Variants in SEMA3A observed in about 807,000 individuals in gnomAD.
SEMA3A encodes semaphorin-3A.
Under a neutral mutation model 97.9 loss-of-function variants are expected in SEMA3A, and 29 were observed. That is an observed-to-expected ratio of 0.30 (90% CI 0.22 to 0.40). The LOEUF is 0.40. SEMA3A is among the 10% of genes least tolerant of loss of function. SEMA3A has a pLI of 1.00. For missense variants in SEMA3A, 763 were observed against 951.3 expected, an observed-to-expected ratio of 0.80 and a Z score of 2.60; for synonymous variants, 321 against 323.7, an observed-to-expected ratio of 0.99 and a Z score of 0.09.
chr7:84,214,765 T>G (rs1332021902), intron 3 of SEMA3A, among the ~76,000 whole-genome samples: 1 of 150,788 alleles, frequency 6.6e-6, no homozygotes, highest in African/African-American at 2.4e-5. Flanking sequence ...GTGGTGTGAT[T>G]TGGGCTCACT....
intron 5 of SEMA3A, among the ~76,000 whole-genome samples, chr7:84,058,945 C>A (rs1394681210): frequency 2.0e-5 from 3 of 152,092 alleles, no homozygotes; most frequent in African/African-American, 7.2e-5. Context: ...TGTCATCATT[C>A]TTTCTCAGCG....
chr7:84,174,169 G>A (rs1042505430), intron 1 of SEMA3A, among the ~76,000 whole-genome samples: 3 of 152,016 alleles, frequency 2.0e-5, no homozygotes, highest in Admixed American at 2.0e-4. Context: ...AAGGTGCACA[G>A]TAAATGTAAT....
intron 13 of SEMA3A, among the ~76,000 whole-genome samples, chr7:83,983,020 G>GA (rs1257033083): frequency 6.6e-6 from 1 of 151,686 alleles, no homozygotes; most frequent in African/African-American, 2.4e-5. Context: ...TCACTAAATG[G>GA]AAAAAATGAA....
At chr7:84,170,927 G>A (rs1175361547) in intron 1 of SEMA3A, among the ~76,000 whole-genome samples, 2 of 152,048 alleles carry the variant, frequency 1.3e-5, no homozygotes, top group African/African-American at 4.8e-5. Flanking sequence ...TAATTAAACT[G>A]GACCGTGTAA....
intron 4 of SEMA3A, among the ~76,000 whole-genome samples, chr7:84,093,827 C>T (rs551069586): frequency 9.9e-5 from 15 of 151,620 alleles, no homozygotes; most frequent in African/African-American, 2.4e-4. Flanking sequence ...GGAAAAATAG[C>T]GAAGGCATGC....
intron 2 of SEMA3A, among the ~76,000 whole-genome samples, chr7:84,132,030 C>T (rs548543695): frequency 1.4e-3 from 207 of 152,168 alleles, no homozygotes; most frequent in African/African-American, 4.7e-3. Context: ...ACAGGCTGGT[C>T]TCAAACTCCT....
chr7:84,043,144 G>A lies in SEMA3A; in HGVS notation c.667+3180C>T, dbSNP rs116051747. ...TAGAAACCCTAAATTAGGGTTTATC[G>A]TAACTAATGAAGATGTTTTAAGAAC... On this transcript the variant is annotated intron_variant, in intron 6 of 16. Coordinates refer to ENST00000265362, the MANE Select transcript of SEMA3A (RefSeq NM_006080.3). Among the ~76,000 whole-genome samples, 1,338 of 151,934 alleles carry A rather than the reference G, an allele frequency of 8.8e-3. 17 individuals are homozygous for A. The highest frequency in any genetic ancestry group is 0.03 in the African/African-American group (1,261 of 41,462).
intron 3 of SEMA3A, among the ~76,000 whole-genome samples, chr7:84,300,000 C>T (rs1584216835): frequency 7.1e-6 from 1 of 141,764 alleles, no homozygotes; most frequent in Non-Finnish European, 1.5e-5. Flanking sequence ...ACATTGCACT[C>T]CAGCCTGGGT....
chr7:84,448,261 C>T (rs1383474902), intron 1 of SEMA3A, among the ~76,000 whole-genome samples: 1 of 152,106 alleles, frequency 6.6e-6, no homozygotes, highest in African/African-American at 2.4e-5. Flanking sequence ...CCAATTATCC[C>T]GTGAAACTAC....
intron 3 of SEMA3A, among the ~76,000 whole-genome samples, chr7:84,125,403 A>C (rs1029317953): frequency 3.9e-5 from 6 of 152,250 alleles, no homozygotes; most frequent in Admixed American, 1.3e-4. Flanking sequence ...AAACATTTTT[A>C]GTAAGTGTGG....
At chr7:84,241,752 T>C (rs1195956692) in intron 3 of SEMA3A, among the ~76,000 whole-genome samples, 1 of 152,226 alleles carries the variant, frequency 6.6e-6, no homozygotes, top group African/African-American at 2.4e-5. Flanking sequence ...AGGGTTTTTA[T>C]GGTTTCAGGT....
intron 6 of SEMA3A, among the ~76,000 whole-genome samples, chr7:84,045,513 TA>T (rs1252715764): frequency 2.5e-4 from 37 of 146,396 alleles, no homozygotes; most frequent in South Asian, 8.7e-4. Context: ...TGTAAATAAC[TA>T]AAAAAAAAAG....
At chr7:84,169,871 G>T (rs1584074795) in intron 1 of SEMA3A, among the ~76,000 whole-genome samples, 1 of 151,714 alleles carries the variant, frequency 6.6e-6, no homozygotes, top group Non-Finnish European at 1.5e-5. Flanking sequence ...AAATCTTCAA[G>T]GTTGTTTAGC....
chr7:84,010,961 A>T (rs1790852130), intron 9 of SEMA3A, 61 bp downstream of exon 9: 1 of 1,253,598 alleles, frequency 8.0e-7, no homozygotes, highest in Non-Finnish European at 1.1e-6. Context: ...GCAAATTATG[A>T]GTACTTGGAT....
chr7:84,377,856 G>A (rs1193989057), intron 1 of SEMA3A, among the ~76,000 whole-genome samples: 1 of 152,086 alleles, frequency 6.6e-6, no homozygotes, highest in Non-Finnish European at 1.5e-5. Flanking sequence ...CTCAACAGAT[G>A]GTCTAATTTA....
chr7:84,016,791 AC>A (rs1245132644), intron 6 of SEMA3A, among the ~76,000 whole-genome samples: 3 of 152,202 alleles, frequency 2.0e-5, no homozygotes, highest in Non-Finnish European at 4.4e-5. Context: ...TAACAAATAT[AC>A]TATATTAACA....
rs1187182577 is a variant in SEMA3A, at chr7:84,158,148, C to CTTTT, written c.113-23201_113-23198dup. Among the ~76,000 whole-genome samples, 345 of 82,308 alleles carry CTTTT rather than the reference C, an allele frequency of 4.2e-3. 15 individuals carry two copies. The highest frequency in any genetic ancestry group is 9.6e-3 in the African/African-American group (216 of 22,424). The allele number at this position is 82,308 out of a possible 152,430, so 54.0% of individuals were successfully genotyped here. On this transcript the variant is annotated intron_variant, in intron 1 of 16. Coordinates refer to ENST00000265362, the MANE Select transcript of SEMA3A (RefSeq NM_006080.3). ...CTTATGCTTAATTTAACAGCTAATT[C>CTTTT]TTTTTTTTTTTTTTTTTTTTTTTTG...
chr7:84,382,827 G>A (rs1803301028), intron 1 of SEMA3A, among the ~76,000 whole-genome samples: 3 of 151,756 alleles, frequency 2.0e-5, no homozygotes, highest in Admixed American at 6.6e-5. Context: ...GTAGTGAGCC[G>A]AGATCATGCC....
intron 4 of SEMA3A, among the ~76,000 whole-genome samples, chr7:84,094,399 G>T (rs2057846): frequency 4.6e-5 from 7 of 151,032 alleles, no homozygotes; most frequent in Non-Finnish European, 1.0e-4. Flanking sequence ...CTTAAAGTAC[G>T]TATATTTTCA....
Sources: allele counts gnomAD v4.1 joint callset (sites outside exome capture counted in the v4.1 genomes callset), GRCh38; gene constraint gnomAD v4.1.1; transcripts MANE v1.5; gene names NCBI Gene and HGNC (gene_info 2026-07-23, HGNC 2026-07-21).